The following AFG1L variants were observed in gnomAD, a reference collection of about 807,000 sequenced individuals.
AFG1L encodes the protein AFG1 like ATPase, also known as AFG1-like ATPase.
A neutral mutation model predicts 62.2 loss-of-function variants in AFG1L; 53 were observed. The ratio of observed to expected loss-of-function variants is 0.85; its 90% CI spans 0.68 to 1.07. The LOEUF is 1.07. AFG1L is among the 50% of genes least tolerant of loss of function. AFG1L has a pLI of 0.00. For synonymous variants in AFG1L, 228 were observed against 210.3 expected (o/e 1.08, Z -0.73); for missense variants, 555 against 590.5 (o/e 0.94, Z 0.62).
intron 1 of AFG1L, among the ~76,000 whole-genome samples, chr6:108,300,252 G>A (rs918510829): frequency 2.0e-5 from 3 of 151,906 alleles, no homozygotes; most frequent in Non-Finnish European, 4.4e-5. Context: ...GGGTTCAAGC[G>A]ATTCTCCTGT....
chr6:108,494,037 C>T (rs1261397383), intron 10 of AFG1L, among the ~76,000 whole-genome samples: 2 of 152,082 alleles, frequency 1.3e-5, no homozygotes, highest in African/African-American at 4.8e-5. Context: ...GTCATATTGG[C>T]CAGGCCAGTC....
chr6:108,427,679 A>T (rs1345424633), intron 7 of AFG1L, among the ~76,000 whole-genome samples: 1 of 151,506 alleles, frequency 6.6e-6, no homozygotes. Context: ...ACGCCACCAT[A>T]CCCGGTTAAT....
intron 1 of AFG1L, among the ~76,000 whole-genome samples, chr6:108,314,939 A>G (rs1413344720): frequency 2.0e-5 from 3 of 151,994 alleles, no homozygotes; most frequent in African/African-American, 7.3e-5. Flanking sequence ...CCTGGGTTCA[A>G]GTGATTCTTG....
At chr6:108,434,405 A>C (rs1320440178) in intron 7 of AFG1L, among the ~76,000 whole-genome samples, 3 of 152,178 alleles carry the variant, frequency 2.0e-5, no homozygotes, top group Non-Finnish European at 1.5e-5. Flanking sequence ...GTTGAATGGC[A>C]TAGCCATGTG....
chr6:108,462,102 G>GA (rs761796590), intron 8 of AFG1L, among the ~76,000 whole-genome samples: 18 of 148,236 alleles, frequency 1.2e-4, no homozygotes, highest in East Asian at 2.0e-4. Flanking sequence ...CTCAAAAAAA[G>GA]AAAAAAAAAT....
At chr6:108,499,387 A>C (rs952134560) in intron 10 of AFG1L, among the ~76,000 whole-genome samples, 7 of 151,880 alleles carry the variant, frequency 4.6e-5, no homozygotes, top group Admixed American at 4.6e-4. Flanking sequence ...TAACTTTCTA[A>C]AAGTCAGTTT....
intron 1 of AFG1L, among the ~76,000 whole-genome samples, chr6:108,304,406 G>C (rs1244509604): frequency 1.3e-5 from 2 of 152,154 alleles, no homozygotes; most frequent in African/African-American, 4.8e-5. Flanking sequence ...ACATAATAGA[G>C]CATAAAATGG....
At chr6:108,518,660 AAG>A (rs1282841624) in intron 11 of AFG1L, among the ~76,000 whole-genome samples, 1 of 152,264 alleles carries the variant, frequency 6.6e-6, no homozygotes, top group African/African-American at 2.4e-5. Context: ...TAATAAAAAA[AAG>A]AATATGTTTT....
chr6:108,454,988 A>G (rs544406281), intron 8 of AFG1L, among the ~76,000 whole-genome samples: 66 of 152,282 alleles, frequency 4.3e-4, no homozygotes, highest in African/African-American at 1.6e-3. Context: ...GTCTCTGGCA[A>G]TCAAAGAAAC....
intron 7 of AFG1L, among the ~76,000 whole-genome samples, chr6:108,413,363 CAG>C (rs1228901462): frequency 2.0e-5 from 3 of 152,146 alleles, no homozygotes; most frequent in Non-Finnish European, 4.4e-5. Flanking sequence ...ATCAACAAGA[CAG>C]AAAGTTAGCA....
At chr6:108,477,763 T>C (rs1773170883) in intron 10 of AFG1L, among the ~76,000 whole-genome samples, 2 of 152,198 alleles carry the variant, frequency 1.3e-5, no homozygotes, top group South Asian at 4.1e-4. Flanking sequence ...GGTGAATTTC[T>C]ATAACTGTGG....
chr6:108,477,286 T>C lies in AFG1L; in HGVS notation c.1056T>C (p.Cys352=). ...CCGACTGCACATTTGAAGAGCTGTG[T>C]GAGAGAGTAAGTATCCAGGCACGTC... ...TVADCTFEEL[C]ERPLGASDYL... The change falls in exon 10 of 13, where the codon TGT becomes TGC. Residue 352 remains cysteine, a synonymous_variant. Transcript: ENST00000368977. The C allele has an allele frequency of 6.3e-7, 1 of 1,598,660 alleles. No homozygotes were observed. Among genetic ancestry groups the C allele is most frequent in the Non-Finnish European group, 8.6e-7 (1 of 1,169,340 alleles).
At chr6:108,369,478 T>G (rs1461688251) in intron 6 of AFG1L, among the ~76,000 whole-genome samples, 2 of 152,112 alleles carry the variant, frequency 1.3e-5, no homozygotes, top group African/African-American at 4.8e-5. Flanking sequence ...TATCCTGTCC[T>G]AGAGAAAGAA....
chr6:108,400,735 TATATTATATATG>T (rs1284685822), intron 6 of AFG1L, among the ~76,000 whole-genome samples: 1 of 125,608 alleles, frequency 8.0e-6, no homozygotes, highest in East Asian at 2.0e-4. Flanking sequence ...ATATATAATA[TATATTATATATG>T]ATATTATATA....
chr6:108,441,712 A>AAAAAATATATAT (rs1401294615), intron 7 of AFG1L, among the ~76,000 whole-genome samples: 43 of 139,496 alleles, frequency 3.1e-4, no homozygotes, highest in South Asian at 9.2e-4. Flanking sequence ...AAAAAAAAAA[A>AAAAAATATATAT]ATATATATAT....
intron 11 of AFG1L, among the ~76,000 whole-genome samples, chr6:108,517,936 A>G (rs999434132): frequency 6.6e-6 from 1 of 152,252 alleles, no homozygotes; most frequent in African/African-American, 2.4e-5. Context: ...GAGAAATGCA[A>G]ATCAAAACCA....
chr6:108,389,737 C>T (rs550748443), intron 6 of AFG1L, among the ~76,000 whole-genome samples: 5 of 152,100 alleles, frequency 3.3e-5, no homozygotes, highest in Non-Finnish European at 2.9e-5. Flanking sequence ...GAATTTCTGC[C>T]GAGAGATCCG....
At chr6:108,418,132 A>G (rs974622254) in intron 7 of AFG1L, among the ~76,000 whole-genome samples, 2 of 152,146 alleles carry the variant, frequency 1.3e-5, no homozygotes, top group Non-Finnish European at 2.9e-5. Context: ...TGGTATCTAT[A>G]TAGCATCATT....
chr6:108,508,245 C>T (rs1245032318), intron 10 of AFG1L, among the ~76,000 whole-genome samples: 1 of 152,148 alleles, frequency 6.6e-6, no homozygotes, highest in Admixed American at 6.6e-5. Flanking sequence ...TCTATTAACA[C>T]GTGCTCCTGG....
Sources: gnomAD v4.1 joint callset for allele counts (sites outside exome capture counted in the v4.1 genomes callset) on GRCh38, gnomAD v4.1.1 for gene constraint, MANE v1.5 for transcripts, NCBI Gene and HGNC (gene_info 2026-07-23, HGNC 2026-07-21) for gene names.